The following CAST variants were observed in gnomAD, a reference collection of about 807,000 sequenced individuals.
The protein encoded by CAST is calpastatin.
Under a neutral mutation model 119.6 loss-of-function variants are expected in CAST, and 76 were observed. That is an observed-to-expected ratio of 0.64 (90% CI 0.53 to 0.77). The LOEUF (loss-of-function observed/expected upper bound fraction) is 0.77. Ranked by LOEUF, CAST falls within the 30% of genes least tolerant of loss-of-function variation. CAST has a pLI of 0.00. For synonymous variants in CAST, 319 were observed against 331.6 expected (o/e 0.96, Z 0.41); for missense variants, 953 against 946.5 (o/e 1.01, Z -0.09).
chr5:96,282,257 C>T, the CAST span, among the ~76,000 whole-genome samples: 1 of 152,222 alleles, frequency 6.6e-6, no homozygotes, highest in African/African-American at 2.4e-5. Context: ...CACAGCTTCT[C>T]TGTCTCCAGC....
chr5:96,561,786 G>GGTTTTTCT (rs1189100090), intron 1 of CAST, among the ~76,000 whole-genome samples: 1 of 105,432 alleles, frequency 9.5e-6, no homozygotes, highest in Non-Finnish European at 1.9e-5. Context: ...TTATATATAT[G>GGTTTTTCT]TTTTTTTTTG....
At chr5:96,020,321 A>C in the CAST span, among the ~76,000 whole-genome samples, 1 of 152,238 alleles carries the variant, frequency 6.6e-6, no homozygotes, top group African/African-American at 2.4e-5. Context: ...GCTGATAAAA[A>C]ATAAGCAGCA....
chr5:96,069,521 T>C, the CAST span, among the ~76,000 whole-genome samples: 1 of 151,938 alleles, frequency 6.6e-6, no homozygotes. Context: ...TCTTGCTCTG[T>C]CACCCAGGCT....
chr5:96,556,170 T>C (rs1012784361), intron 1 of CAST, among the ~76,000 whole-genome samples: 34 of 152,078 alleles, frequency 2.2e-4, no homozygotes, highest in African/African-American at 8.2e-4. Context: ...GAAGGAAAAC[T>C]AACAAACAGA....
chr5:96,035,446 C>G, the CAST span, among the ~76,000 whole-genome samples: 1 of 151,872 alleles, frequency 6.6e-6, no homozygotes, highest in African/African-American at 2.4e-5. Flanking sequence ...CCAAAACTGT[C>G]TGATCCCCAA....
At chr5:96,392,631 A>G in the CAST span, 17 of 225,474 alleles carry the variant, frequency 7.5e-5, no homozygotes, top group African/African-American at 4.0e-4. Context: ...CATTCTTTGC[A>G]GATTATGTTT....
At chr5:96,679,293 A>G (rs368374511) in intron 2 of CAST, 2 of 152,262 alleles carry the variant, frequency 1.3e-5, no homozygotes, top group East Asian at 1.9e-4. Context: ...ACCAATTGTT[A>G]TGAATTTTTC....
At chr5:96,421,985 G>T in the CAST span, 2 of 779,684 alleles carry the variant, frequency 2.6e-6, no homozygotes, top group Non-Finnish European at 2.1e-6. Flanking sequence ...ATAACACTGT[G>T]GCAGCATTAA....
chr5:96,432,695 C>G, the CAST span, among the ~76,000 whole-genome samples: 1 of 152,170 alleles, frequency 6.6e-6, no homozygotes, highest in Non-Finnish European at 1.5e-5. Context: ...ATAATGCAAG[C>G]TTTCTCTCTC....
intron 26 of CAST, among the ~76,000 whole-genome samples, chr5:96,765,739 T>C (rs759981463): frequency 2.0e-5 from 3 of 152,190 alleles, no homozygotes; most frequent in Non-Finnish European, 4.4e-5. Flanking sequence ...AAGAAAAAGA[T>C]ATTTTATACC....
the CAST span, among the ~76,000 whole-genome samples, chr5:96,314,455 G>A: frequency 6.6e-6 from 1 of 152,178 alleles, no homozygotes; most frequent in Non-Finnish European, 1.5e-5. Context: ...TAGCATAGGT[G>A]AAGCTGAGCA....
At chr5:96,121,746 A>T in the CAST span, among the ~76,000 whole-genome samples, 1 of 152,124 alleles carries the variant, frequency 6.6e-6, no homozygotes, top group African/African-American at 2.4e-5. Flanking sequence ...TGGGTCAGTG[A>T]GAAATGGGCT....
chr5:96,394,110 G>C, the CAST span, among the ~76,000 whole-genome samples: 1 of 152,232 alleles, frequency 6.6e-6, no homozygotes, highest in African/African-American at 2.4e-5. Flanking sequence ...TATGTACTTT[G>C]CCTCTGTATC....
the CAST span, among the ~76,000 whole-genome samples, chr5:96,269,619 A>G: frequency 0.021 from 3,248 of 152,322 alleles, 115 homozygotes; most frequent in African/African-American, 0.074. Context: ...ATTAGAGACT[A>G]TTATGAACAA....
At chr5:96,011,258 A>C in the CAST span, among the ~76,000 whole-genome samples, 1 of 152,214 alleles carries the variant, frequency 6.6e-6, no homozygotes, top group Non-Finnish European at 1.5e-5. Context: ...AGAGGGCTAT[A>C]TAATGTAATT....
chr5:96,461,581 T>TC, the CAST span, among the ~76,000 whole-genome samples: 2 of 151,888 alleles, frequency 1.3e-5, no homozygotes, highest in South Asian at 2.1e-4. Context: ...GATAGAATGA[T>TC]TCTGAATGAA....
intron 1 of CAST, among the ~76,000 whole-genome samples, chr5:96,545,037 G>C (rs1745985320): frequency 6.6e-6 from 1 of 152,122 alleles, no homozygotes; most frequent in Non-Finnish European, 1.5e-5. Context: ...ATGATAAAGA[G>C]GTCAATTCTC....
the CAST span, among the ~76,000 whole-genome samples, chr5:96,321,198 C>T: frequency 6.6e-6 from 1 of 152,138 alleles, no homozygotes; most frequent in Admixed American, 6.6e-5. Flanking sequence ...TGGAGACTGT[C>T]CTGTGCGTTA....
the CAST span, among the ~76,000 whole-genome samples, chr5:96,040,492 T>C: frequency 6.6e-6 from 1 of 152,182 alleles, no homozygotes; most frequent in Non-Finnish European, 1.5e-5. Flanking sequence ...CCATTCAGTA[T>C]GATATTGGCT....
Sources: allele counts gnomAD v4.1 joint callset (sites outside exome capture counted in the v4.1 genomes callset), GRCh38; gene constraint gnomAD v4.1.1; transcripts MANE v1.5; gene names NCBI Gene and HGNC (gene_info 2026-07-23, HGNC 2026-07-21).